The following NBAS variants were observed in gnomAD, a reference collection of about 807,000 sequenced individuals.
The protein encoded by NBAS is NBAS subunit of NRZ tethering complex, also known as NAG/BC035112 fusion.
Under a neutral mutation model 302.5 loss-of-function variants are expected in NBAS, and 219 were observed. That is an observed-to-expected ratio of 0.72 (90% CI 0.65 to 0.81). NBAS has a LOEUF of 0.81. NBAS is among the 30% of genes least tolerant of loss of function. NBAS has a pLI of 0.00. For missense variants in NBAS, 2,932 were observed against 2,841.6 expected (o/e 1.03, Z -0.72); for synonymous variants, 1,118 against 1,021.6 (o/e 1.09, Z -1.80).
chr2:15,551,560 CA>C, intron 5 of NBAS, 24 bp from the exon 6 acceptor site: 1 of 1,593,966 alleles, frequency 6.3e-7, no homozygotes, highest in Non-Finnish European at 8.6e-7. Flanking sequence ...AAAATCAAGG[CA>C]AAAGTTTTAT....
chr2:15,045,090 C>G, the NBAS span, among the ~76,000 whole-genome samples: 1 of 152,180 alleles, frequency 6.6e-6, no homozygotes, highest in Admixed American at 6.5e-5. Flanking sequence ...AAATAAATAT[C>G]AAAATCTCTG....
chr2:15,026,987 T>A, the NBAS span, among the ~76,000 whole-genome samples: 8 of 152,162 alleles, frequency 5.3e-5, no homozygotes, highest in Admixed American at 3.9e-4. Flanking sequence ...ACTAATTCTA[T>A]ATTCACTTGA....
the NBAS span, among the ~76,000 whole-genome samples, chr2:14,874,145 T>TA: frequency 1.3e-5 from 2 of 151,950 alleles, no homozygotes; most frequent in African/African-American, 4.8e-5. Flanking sequence ...AATAAAGGGA[T>TA]AAAAAGGGAA....
At chr2:15,168,729 A>C (rs776597055) in intron 51 of NBAS, among the ~76,000 whole-genome samples, 6 of 152,210 alleles carry the variant, frequency 3.9e-5, no homozygotes, top group Non-Finnish European at 7.3e-5. Context: ...TCTTGGGTTC[A>C]AGCGGTTCTC....
At chr2:14,957,227 T>G in the NBAS span, among the ~76,000 whole-genome samples, 4 of 152,206 alleles carry the variant, frequency 2.6e-5, no homozygotes, top group East Asian at 7.7e-4. Flanking sequence ...TGGGAGGCAC[T>G]AGCCCTGTTT....
chr2:14,927,935 G>A, the NBAS span, among the ~76,000 whole-genome samples: 1 of 152,160 alleles, frequency 6.6e-6, no homozygotes, highest in Non-Finnish European at 1.5e-5. Flanking sequence ...GTTACAGAAG[G>A]AGCTTTATTA....
chr2:15,504,303 A>C (rs1661739353), intron 10 of NBAS, 90 bp from the exon 11 acceptor site: 1 of 1,029,850 alleles, frequency 9.7e-7, no homozygotes, highest in African/African-American at 1.6e-5. Flanking sequence ...AAACTATAGC[A>C]AATCTAGTAT....
the NBAS span, among the ~76,000 whole-genome samples, chr2:14,796,438 T>C: frequency 6.6e-6 from 1 of 152,364 alleles, no homozygotes; most frequent in Non-Finnish European, 1.5e-5. Context: ...AACATTTACA[T>C]CTTAACAATA....
intron 25 of NBAS, among the ~76,000 whole-genome samples, chr2:15,409,941 G>T (rs1323958570): frequency 6.6e-6 from 1 of 152,108 alleles, no homozygotes; most frequent in Non-Finnish European, 1.5e-5. Context: ...CCCATGTCCA[G>T]TTTTATCACA....
At chr2:14,833,290 G>A in the NBAS span, among the ~76,000 whole-genome samples, 1 of 152,184 alleles carries the variant, frequency 6.6e-6, no homozygotes, top group East Asian at 1.9e-4. Flanking sequence ...ATACATAATG[G>A]ACTCCCACTT....
chr2:15,348,402 CAT>C (rs1430588899), intron 35 of NBAS, among the ~76,000 whole-genome samples: 1 of 152,130 alleles, frequency 6.6e-6, no homozygotes, highest in African/African-American at 2.4e-5. Context: ...AATAGAGTAA[CAT>C]GTGCCCACTT....
At chr2:14,920,626 C>A in the NBAS span, among the ~76,000 whole-genome samples, 1 of 152,194 alleles carries the variant, frequency 6.6e-6, no homozygotes, top group African/African-American at 2.4e-5. Context: ...GCTAGATCTT[C>A]TGGATAACTT....
the NBAS span, among the ~76,000 whole-genome samples, chr2:15,098,188 A>T: frequency 7.4e-5 from 1 of 13,458 alleles, no homozygotes; most frequent in Non-Finnish European, 1.0e-4. Context: ...TATTGTATAT[A>T]ATATATTATA....
At chr2:15,357,234 A>C (rs1274770206) in intron 32 of NBAS, among the ~76,000 whole-genome samples, 1 of 152,168 alleles carries the variant, frequency 6.6e-6, no homozygotes, top group East Asian at 1.9e-4. Flanking sequence ...AACTCAATGG[A>C]AACAGTAAAA....
In NBAS at chr2:15,464,739, G is replaced by T. The variant is rs115635197; in HGVS notation, c.2097+2590C>A. On this transcript the variant is annotated intron_variant, in intron 19 of 51. Coordinates refer to ENST00000281513, the MANE Select transcript of NBAS (RefSeq NM_015909.4). ...TATTTCCTAAACTTGCCCAACCTCT[G>T]ACAAAAATTCAATTCAACTACTTAC... Among the ~76,000 whole-genome samples, 757 of 152,194 alleles carry T rather than the reference G, an allele frequency of 5.0e-3. 9 individuals carry two copies. Among genetic ancestry groups the T allele is most frequent in the African/African-American group, 0.018 (734 of 41,506 alleles).
the NBAS span, among the ~76,000 whole-genome samples, chr2:15,143,769 T>C: frequency 3.3e-5 from 5 of 151,988 alleles, no homozygotes; most frequent in African/African-American, 7.3e-5. Flanking sequence ...CTGGGAAAAG[T>C]AGACCTACCC....
intron 6 of NBAS, among the ~76,000 whole-genome samples, chr2:15,540,072 ACT>A (rs1381491365): frequency 2.6e-5 from 4 of 152,106 alleles, no homozygotes; most frequent in Non-Finnish European, 4.4e-5. Context: ...AGGATGTGAA[ACT>A]CTATGTTAGA....
intron 28 of NBAS, among the ~76,000 whole-genome samples, chr2:15,392,285 C>T (rs889520579): frequency 2.6e-5 from 4 of 151,124 alleles, no homozygotes; most frequent in Non-Finnish European, 5.9e-5. Flanking sequence ...AAGTATCTTG[C>T]TAGAAACTCA....
intron 48 of NBAS, among the ~76,000 whole-genome samples, chr2:15,204,325 A>AAG (rs1255532011): frequency 6.6e-6 from 1 of 152,148 alleles, no homozygotes; most frequent in Admixed American, 6.5e-5. Context: ...TAAACATAAA[A>AAG]AGAGCTCTCA....
Sources: gnomAD v4.1 joint callset for allele counts (sites outside exome capture counted in the v4.1 genomes callset) on GRCh38, gnomAD v4.1.1 for gene constraint, MANE v1.5 for transcripts, NCBI Gene and HGNC (gene_info 2026-07-23, HGNC 2026-07-21) for gene names.